The following KLC1 variants were observed in gnomAD, a reference collection of about 807,000 sequenced individuals.
The protein encoded by KLC1 is kinesin 2 60/70kDa.
Under a neutral mutation model 84.2 loss-of-function variants are expected in KLC1, and 30 were observed. The ratio of observed to expected loss-of-function variants is 0.36; its 90% confidence interval spans 0.27 to 0.48. KLC1 has a LOEUF of 0.48. KLC1 is among the 20% of genes least tolerant of loss of function. KLC1 has a pLI of 0.99. For synonymous variants in KLC1, 289 were observed against 293.3 expected (o/e 0.99, Z 0.15); for missense variants, 499 against 805.4 (o/e 0.62, Z 4.60).
At chr14:103,686,229 G>GTGTCT in intron 13 of KLC1, 1 of 986,158 alleles carries the variant, frequency 1.0e-6, no homozygotes, top group South Asian at 4.7e-5. Flanking sequence ...CGACTGACCT[G>GTGTCT]TGTCTTGGTG....
chr14:103,669,959 A>G (rs769146703), intron 6 of KLC1, among the ~76,000 whole-genome samples: 2 of 152,238 alleles, frequency 1.3e-5, no homozygotes, highest in Non-Finnish European at 2.9e-5. Flanking sequence ...TTAAAAAGTC[A>G]GGAATACGTT....
At chr14:103,691,889 G>A (rs1232465402) in intron 14 of KLC1, among the ~76,000 whole-genome samples, 8 of 151,920 alleles carry the variant, frequency 5.3e-5, no homozygotes, top group Admixed American at 1.3e-4. Flanking sequence ...CTCCACTTCT[G>A]CCTCCTGAGC....
chr14:103,637,712 T>G (rs960382833), intron 1 of KLC1, among the ~76,000 whole-genome samples: 4 of 152,176 alleles, frequency 2.6e-5, no homozygotes, highest in Non-Finnish European at 5.9e-5. Context: ...ATTTATGTAT[T>G]TATTTAATTT....
chr14:103,635,015 A>G (rs1358901768), intron 1 of KLC1, among the ~76,000 whole-genome samples: 1 of 152,208 alleles, frequency 6.6e-6, no homozygotes, highest in Non-Finnish European at 1.5e-5. Context: ...TGGATCAGAA[A>G]TGAATTATGA....
rs550351783 is a variant in KLC1, at chr14:103,700,774, G to T, written c.*1+47G>T. On this transcript the variant is annotated intron_variant, in intron 16 of 16. Coordinates refer to ENST00000334553, the MANE Select transcript of KLC1 (RefSeq NM_001394837.1). ...CCCAGGAAGCAGGCAGCTGGGCCAG[G>T]GAGGGACTTTGCACATGCAGGGACT... The T allele has an allele frequency of 8.2e-6, 12 of 1,464,452 alleles. No individual in the cohort carries two copies. In the African/African-American group the frequency reaches 1.7e-4, roughly 21 times the overall value. The allele number at this position is 1,464,452 out of a possible 1,614,324, so 90.7% of individuals were successfully genotyped here.
At chr14:103,687,037 G>C in intron 13 of KLC1, 44 bp from the exon 14 acceptor site, 1 of 1,480,564 alleles carries the variant, frequency 6.8e-7, no homozygotes, top group Non-Finnish European at 9.1e-7. Context: ...GTGGGAAGGA[G>C]GGAGAACCAC....
chr14:103,696,016 G>A (rs138528035), intron 15 of KLC1: 1 of 985,312 alleles, frequency 1.0e-6, no homozygotes, highest in East Asian at 1.1e-4. Flanking sequence ...TCCTGTGTGT[G>A]GTCGTTCTGG....
chr14:103,692,199 T>A (rs1429533593), intron 14 of KLC1, among the ~76,000 whole-genome samples, 160 bp from the exon 15 acceptor site: 1 of 152,072 alleles, frequency 6.6e-6, no homozygotes, highest in Non-Finnish European at 1.5e-5. Context: ...CTAAATAGAG[T>A]GAGACATAGG....
chr14:103,650,100 TTAAA>T (rs751229514), intron 1 of KLC1, among the ~76,000 whole-genome samples: 4 of 152,068 alleles, frequency 2.6e-5, no homozygotes, highest in Non-Finnish European at 5.9e-5. Flanking sequence ...TAATGGAACT[TTAAA>T]TAGGACTTTT....
chr14:103,667,107 G>A (rs2079927031), intron 5 of KLC1, among the ~76,000 whole-genome samples: 1 of 151,102 alleles, frequency 6.6e-6, no homozygotes, highest in Non-Finnish European at 1.5e-5. Flanking sequence ...ACTTTAGGTA[G>A]CTTATTTTAT....
chr14:103,637,148 T>G, intron 1 of KLC1, among the ~76,000 whole-genome samples: 1 of 152,134 alleles, frequency 6.6e-6, no homozygotes, highest in East Asian at 1.9e-4. Flanking sequence ...TATTTTTTCC[T>G]AATCTATGGC....
intron 9 of KLC1, among the ~76,000 whole-genome samples, chr14:103,674,353 C>T (rs1343429252): frequency 1.3e-5 from 2 of 151,772 alleles, no homozygotes; most frequent in African/African-American, 4.8e-5. Flanking sequence ...TGTTGGTTGT[C>T]TAGAAACTTG....
At chr14:103,690,289 C>T (rs1278907704) in intron 14 of KLC1, among the ~76,000 whole-genome samples, 3 of 152,142 alleles carry the variant, frequency 2.0e-5, no homozygotes, top group Non-Finnish European at 1.5e-5. Context: ...TTGAGTGGTT[C>T]TAGGTAGAGA....
At chr14:103,673,764 A>C (rs1373371384) in intron 9 of KLC1, among the ~76,000 whole-genome samples, 3 of 152,154 alleles carry the variant, frequency 2.0e-5, no homozygotes, top group Non-Finnish European at 4.4e-5. Flanking sequence ...TCTACTAAAA[A>C]TACAAAAACT....
intron 1 of KLC1, among the ~76,000 whole-genome samples, chr14:103,637,299 AG>A: frequency 6.6e-6 from 1 of 152,030 alleles, no homozygotes; most frequent in South Asian, 2.1e-4. Flanking sequence ...TCGGAGGCCG[AG>A]GCGGGTGGAT....
intron 2 of KLC1, 119 bp from the exon 3 acceptor site, chr14:103,657,427 C>T: frequency 1.4e-6 from 1 of 706,116 alleles, no homozygotes; most frequent in African/African-American, 1.8e-5. Flanking sequence ...CTTATATGTA[C>T]TTTGGAGAAA....
In KLC1 at chr14:103,638,794, G is replaced by T. The variant is rs116858354; in HGVS notation, c.-2+9300G>T. 9.3e-4 allele frequency among the ~76,000 whole-genome samples: 141 copies of T among 151,900 alleles called. 2 individuals carry two copies. In the East Asian group the frequency reaches 0.02, roughly 21 times the overall value. ...GTGTGTATGTATGAACACAGTGGGG[G>T]TGTGTGTGCGTGAGCACAGTGGTGT... On this transcript the variant is annotated intron_variant, in intron 1 of 16. Coordinates refer to ENST00000334553, the MANE Select transcript of KLC1 (RefSeq NM_001394837.1).
chr14:103,687,614 CAG>C (rs1429946723), intron 14 of KLC1: 1 of 153,538 alleles, frequency 6.5e-6, no homozygotes, highest in Non-Finnish European at 1.5e-5. Flanking sequence ...TTAAATAAAT[CAG>C]ATGTTAGCTA....
At chr14:103,649,137 A>T (rs990411609) in intron 1 of KLC1, among the ~76,000 whole-genome samples, 1 of 148,902 alleles carries the variant, frequency 6.7e-6, no homozygotes, top group African/African-American at 2.5e-5. Flanking sequence ...AGCCTGTCTT[A>T]AAAAAAAACA....
Sources: allele counts gnomAD v4.1 joint callset (sites outside exome capture counted in the v4.1 genomes callset), GRCh38; gene constraint gnomAD v4.1.1; transcripts MANE v1.5; gene names NCBI Gene and HGNC (gene_info 2026-07-23, HGNC 2026-07-21).